TMEM132C: variants seen among roughly 807,000 people sequenced by gnomAD.
TMEM132C encodes the protein transmembrane protein 132C.
Under a neutral mutation model 61.4 loss-of-function variants are expected in TMEM132C, and 29 were observed. The observed-to-expected ratio is 0.47, with a 90% CI of 0.35 to 0.64. The LOEUF (loss-of-function observed/expected upper bound fraction) is 0.64. TMEM132C is among the 30% of genes least tolerant of loss of function. TMEM132C has a pLI of 0.00. For missense variants in TMEM132C, 1,408 were observed against 1,476.9 expected (o/e 0.95, Z 0.76); for synonymous variants, 656 against 633.1 (o/e 1.04, Z -0.54).
At chr12:128,427,428 G>GTGTATATA (rs1359402190) in intron 2 of TMEM132C, among the ~76,000 whole-genome samples, 2 of 129,276 alleles carry the variant, frequency 1.5e-5, no homozygotes, top group African/African-American at 5.9e-5. Context: ...GTGTGTGTGT[G>GTGTATATA]TATATATATT....
At chr12:128,554,262 G>A (rs1236431173) in intron 3 of TMEM132C, among the ~76,000 whole-genome samples, 1 of 152,204 alleles carries the variant, frequency 6.6e-6, no homozygotes, top group Non-Finnish European at 1.5e-5. Context: ...GGTGAAAGGA[G>A]GAGGTGGGTA....
chr12:128,691,400 A>G lies in TMEM132C; in HGVS notation c.1450-2429A>G, dbSNP rs554713900. Among the ~76,000 whole-genome samples, 14 of 152,364 alleles carry G rather than the reference A, an allele frequency of 9.2e-5. No individual in the cohort carries two copies. In the South Asian group the frequency reaches 2.3e-3, roughly 25 times the overall value. On this transcript the variant is annotated intron_variant, in intron 5 of 8. Coordinates refer to ENST00000435159, the MANE Select transcript of TMEM132C (RefSeq NM_001136103.3). Reference sequence around the variant, plus strand: ...TGAAGCAGGCATCCCCATGAAGGGAAGGCCCTGCTCATCCATCCCTCTGTC... The same window carrying G: ...TGAAGCAGGCATCCCCATGAAGGGAGGGCCCTGCTCATCCATCCCTCTGTC...
At chr12:128,373,228 T>G (rs1375951534) in intron 1 of TMEM132C, among the ~76,000 whole-genome samples, 2 of 152,088 alleles carry the variant, frequency 1.3e-5, no homozygotes, top group East Asian at 3.9e-4. Flanking sequence ...CATTTCTACC[T>G]CTTCAGGCAT....
intron 2 of TMEM132C, among the ~76,000 whole-genome samples, chr12:128,514,095 G>A (rs758486948): frequency 3.3e-5 from 5 of 152,202 alleles, no homozygotes; most frequent in Non-Finnish European, 5.9e-5. Context: ...GCTCCCCGAG[G>A]AATCAAATCC....
At chr12:128,437,825 T>G (rs1869652067) in intron 2 of TMEM132C, 1 of 152,216 alleles carries the variant, frequency 6.6e-6, no homozygotes, top group Non-Finnish European at 1.5e-5. Context: ...CTCTTGGCAA[T>G]CTGTTTCTGA....
In TMEM132C at chr12:128,329,107, G is replaced by A. The variant is rs573100431; in HGVS notation, c.85+61620G>A. Among the ~76,000 whole-genome samples, 244 of 152,270 alleles carry A rather than the reference G, an allele frequency of 1.6e-3. 1 individual carries two copies. The highest frequency in any genetic ancestry group is 5.6e-3 in the African/African-American group (232 of 41,556). ...CTCTTTGAGTGACAAATCCAGCGCAGACATCATTGGCCAAGGCAAGGTTTT... is the reference window on the plus strand; with the variant it reads ...CTCTTTGAGTGACAAATCCAGCGCAAACATCATTGGCCAAGGCAAGGTTTT... On this transcript the variant is annotated intron_variant, in intron 1 of 8. Coordinates refer to ENST00000435159, the MANE Select transcript of TMEM132C (RefSeq NM_001136103.3).
chr12:128,461,195 C>T (rs1870521571), intron 2 of TMEM132C, among the ~76,000 whole-genome samples: 1 of 152,168 alleles, frequency 6.6e-6, no homozygotes, highest in South Asian at 2.1e-4. Context: ...GAAGAAGAGG[C>T]AGTTGGCATT....
rs1683698 is a variant in TMEM132C at position 128,363,443 on chromosome 12, C to T, written c.86-51289C>T. Among the ~76,000 whole-genome samples, 1,135 of 152,216 alleles carry T rather than the reference C, an allele frequency of 7.5e-3. 14 individuals carry two copies. Among genetic ancestry groups the T allele is most frequent in the African/African-American group, 0.026 (1,076 of 41,526 alleles). The stretch of plus-strand genomic sequence containing the variant: ...TATGTAACCGGCTTCAGTAAGGTGC[C>T]AGTGTTGTTCCAGGCTTTGACCCAA... On this transcript the variant is annotated intron_variant, in intron 1 of 8. Transcript: ENST00000435159.
rs201367070 is a variant in TMEM132C at position 128,349,930 on chromosome 12, CA to C, written c.86-64801del. On this transcript the variant is annotated intron_variant, in intron 1 of 8. Transcript: ENST00000435159. ...TGAACACGTACCGTACACACACACACACACACACACACGTGCAAGCATACAT... is the reference window on the plus strand; with the variant it reads ...TGAACACGTACCGTACACACACACACCACACACACACGTGCAAGCATACAT... Among the ~76,000 whole-genome samples, 720 of 152,198 alleles carry C rather than the reference CA, an allele frequency of 4.7e-3. 5 individuals are homozygous for C. The highest frequency in any genetic ancestry group is 0.016 in the African/African-American group (685 of 41,518).
intron 3 of TMEM132C, among the ~76,000 whole-genome samples, chr12:128,547,436 C>CAGCT (rs1412603214): frequency 6.6e-6 from 1 of 150,850 alleles, no homozygotes; most frequent in Non-Finnish European, 1.5e-5. Context: ...TGGTGGCGGG[C>CAGCT]AGCTGTAGTC....
intron 2 of TMEM132C, among the ~76,000 whole-genome samples, chr12:128,527,985 TAGG>T (rs900959806): frequency 2.6e-5 from 4 of 152,178 alleles, no homozygotes; most frequent in Non-Finnish European, 5.9e-5. Flanking sequence ...ATGAAGCTGC[TAGG>T]AGATTTTTTA....
At chr12:128,471,695 C>A (rs1351845165) in intron 2 of TMEM132C, among the ~76,000 whole-genome samples, 3 of 152,044 alleles carry the variant, frequency 2.0e-5, no homozygotes, top group East Asian at 1.9e-4. Flanking sequence ...TGACCTTGGG[C>A]AAATCACTTG....
At chr12:128,436,616 G>C (rs1009136605) in intron 2 of TMEM132C, among the ~76,000 whole-genome samples, 4 of 152,228 alleles carry the variant, frequency 2.6e-5, no homozygotes, top group Non-Finnish European at 5.9e-5. Flanking sequence ...ACACCAGTTA[G>C]AATGGCAGTC....
intron 2 of TMEM132C, among the ~76,000 whole-genome samples, chr12:128,527,180 G>T (rs1873113851): frequency 6.6e-6 from 1 of 152,192 alleles, no homozygotes; most frequent in Admixed American, 6.5e-5. Context: ...ACCATGGATG[G>T]TCGCTGTGTC....
intron 1 of TMEM132C, among the ~76,000 whole-genome samples, chr12:128,308,248 G>T (rs914938793): frequency 2.0e-5 from 3 of 152,136 alleles, no homozygotes; most frequent in African/African-American, 7.2e-5. Context: ...CTTCCCCCTT[G>T]CAGGAGTCCA....
chr12:128,305,817 C>G (rs554519995), intron 1 of TMEM132C, among the ~76,000 whole-genome samples: 3 of 152,164 alleles, frequency 2.0e-5, no homozygotes, highest in Non-Finnish European at 4.4e-5. Context: ...GTGCTGATTG[C>G]TGGCAGACCT....
At chr12:128,291,288 G>C (rs904397671) in intron 1 of TMEM132C, among the ~76,000 whole-genome samples, 8 of 152,192 alleles carry the variant, frequency 5.3e-5, no homozygotes, top group African/African-American at 1.9e-4. Flanking sequence ...TTCCCCTCTG[G>C]TGTAGGTACC....
At chr12:128,598,520 C>G (rs1363565502) in intron 3 of TMEM132C, among the ~76,000 whole-genome samples, 1 of 152,248 alleles carries the variant, frequency 6.6e-6, no homozygotes, top group Non-Finnish European at 1.5e-5. Context: ...CAGGATCCCA[C>G]CCCAGCCTTG....
chr12:128,568,424 T>C (rs915549113), intron 3 of TMEM132C, among the ~76,000 whole-genome samples: 5 of 152,242 alleles, frequency 3.3e-5, no homozygotes, highest in African/African-American at 1.2e-4. Flanking sequence ...GTCTCCAATA[T>C]AGGAAGCCAA....
Sources: allele counts gnomAD v4.1 joint callset (sites outside exome capture counted in the v4.1 genomes callset), GRCh38; gene constraint gnomAD v4.1.1; transcripts MANE v1.5; gene names NCBI Gene and HGNC (gene_info 2026-07-23, HGNC 2026-07-21).